The following TENM4 variants were observed in gnomAD, a reference collection of about 807,000 sequenced individuals.
TENM4 encodes teneurin transmembrane protein 4, also known as teneurin-4.
In TENM4, 82 loss-of-function variants were observed where a neutral mutation model predicts 243.3. The observed-to-expected ratio is 0.34, with a 90% CI of 0.28 to 0.40. TENM4 has a LOEUF of 0.40. Among genes scored for constraint, TENM4 ranks in the 10% least tolerant of loss-of-function variants. The pLI is 1.00. For synonymous variants in TENM4, 1,412 were observed against 1,456.3 expected, an observed-to-expected ratio of 0.97 and a Z score of 0.69; for missense variants, 3,138 against 3,673.3, an observed-to-expected ratio of 0.85 and a Z score of 3.77.
chr11:78,845,273 C>G (rs1165769743), intron 12 of TENM4, among the ~76,000 whole-genome samples: 5 of 152,222 alleles, frequency 3.3e-5, no homozygotes, highest in Non-Finnish European at 2.9e-5. Flanking sequence ...GAATACTTGA[C>G]ACATTTAGAA....
At chr11:79,210,041 C>T (rs1199333597) in intron 3 of TENM4, among the ~76,000 whole-genome samples, 1 of 152,204 alleles carries the variant, frequency 6.6e-6, no homozygotes, top group Admixed American at 6.5e-5. Flanking sequence ...CCTTACTTAA[C>T]AGACATAATT....
rs114518824 is a variant in TENM4 at position 78,822,987 on chromosome 11, C to T, written c.1682-8592G>A. On this transcript the variant is annotated intron_variant, in intron 12 of 33. Coordinates refer to ENST00000278550, the MANE Select transcript of TENM4 (RefSeq NM_001098816.3). ...CCTTGATGGGAGCCTCAAGCGGCCC[C>T]GAGGTTAGCCTCCTTCCTGGCTGTT... is the stretch of plus-strand genomic sequence containing the variant. 7.9e-5 allele frequency among the ~76,000 whole-genome samples: 12 copies of T among 152,290 alleles called. No homozygotes were observed. The East Asian group carries it at 2.3e-3, about 29-fold the overall frequency.
chr11:78,855,899 A>G lies in TENM4; in HGVS notation c.1470+65T>C. 5.4e-6 allele frequency: 8 copies of G among 1,481,278 alleles called. No homozygotes were observed. The South Asian group carries it at 8.7e-5, about 16-fold the overall frequency. The allele number at this position is 1,481,278 out of a possible 1,614,324, so 91.8% of individuals were successfully genotyped here. ...TTAAGGCTCTGGATTGGGCTTCTTA[A>G]CTTTGGGTTAAGATTTGAGGTAGGA... On this transcript the variant is annotated intron_variant, in intron 11 of 33. Transcript: ENST00000278550.
At chr11:78,687,522 A>G (rs1858715896) in intron 29 of TENM4, among the ~76,000 whole-genome samples, 1 of 152,166 alleles carries the variant, frequency 6.6e-6, no homozygotes, top group African/African-American at 2.4e-5. Flanking sequence ...CAGATAATTA[A>G]CAGCAAGATT....
intron 1 of TENM4, among the ~76,000 whole-genome samples, chr11:79,304,680 C>A (rs1421902238): frequency 6.6e-6 from 1 of 152,186 alleles, no homozygotes; most frequent in Non-Finnish European, 1.5e-5. Flanking sequence ...TCAGCCTCAA[C>A]AACCTACCAA....
At chr11:79,096,487 C>T (rs1861078388) in intron 4 of TENM4, 1 of 143,790 alleles carries the variant, frequency 7.0e-6, no homozygotes, top group African/African-American at 2.6e-5. Flanking sequence ...AGAAAGCCTC[C>T]CCCACCCCAC....
At chr11:79,208,149 G>C (rs953953944) in intron 3 of TENM4, among the ~76,000 whole-genome samples, 1 of 152,058 alleles carries the variant, frequency 6.6e-6, no homozygotes, top group Non-Finnish European at 1.5e-5. Context: ...ACGGGTCATC[G>C]GCATCTCAAT....
At chr11:79,166,329 A>G (rs981654565) in intron 3 of TENM4, among the ~76,000 whole-genome samples, 4 of 152,200 alleles carry the variant, frequency 2.6e-5, no homozygotes, top group African/African-American at 9.7e-5. Context: ...AAGGGCATAG[A>G]GCATGTTCTC....
intron 1 of TENM4, among the ~76,000 whole-genome samples, chr11:79,366,398 T>C (rs1483911331): frequency 6.6e-6 from 1 of 152,240 alleles, no homozygotes; most frequent in Non-Finnish European, 1.5e-5. Context: ...GTGTGTTCCT[T>C]ATGCAACTGC....
intron 12 of TENM4, among the ~76,000 whole-genome samples, chr11:78,845,788 C>T (rs985570571): frequency 3.9e-5 from 6 of 151,912 alleles, no homozygotes; most frequent in Non-Finnish European, 7.4e-5. Flanking sequence ...AAAAAAAGAG[C>T]TAAAAGAAAA....
At chr11:78,778,260 G>C (rs571527900) in intron 17 of TENM4, among the ~76,000 whole-genome samples, 1 of 142,926 alleles carries the variant, frequency 7.0e-6, no homozygotes, top group Admixed American at 7.2e-5. Flanking sequence ...GTGGACCAGG[G>C]GCCATAACAG....
chr11:79,075,454 G>A (rs1381384454), intron 4 of TENM4, among the ~76,000 whole-genome samples: 1 of 152,196 alleles, frequency 6.6e-6, no homozygotes, highest in African/African-American at 2.4e-5. Context: ...TAGATGTTTT[G>A]TAAACTGTAA....
At chr11:78,724,749 G>A (rs1291607152) in intron 23 of TENM4, among the ~76,000 whole-genome samples, 1 of 152,252 alleles carries the variant, frequency 6.6e-6, no homozygotes, top group Non-Finnish European at 1.5e-5. Flanking sequence ...CCACGACTAA[G>A]TTCTTGCAAT....
intron 4 of TENM4, among the ~76,000 whole-genome samples, chr11:79,077,606 G>A (rs1273982656): frequency 6.6e-6 from 1 of 152,136 alleles, no homozygotes; most frequent in Non-Finnish European, 1.5e-5. Flanking sequence ...TTATGAATGA[G>A]ATGCCAATCT....
chr11:78,659,165 T>C (rs1036763285), intron 33 of TENM4, among the ~76,000 whole-genome samples: 5 of 152,166 alleles, frequency 3.3e-5, no homozygotes, highest in Non-Finnish European at 5.9e-5. Context: ...ACAACAATAA[T>C]TGCAATCAAA....
intron 3 of TENM4, among the ~76,000 whole-genome samples, chr11:79,197,922 C>T (rs1391026892): frequency 2.0e-5 from 3 of 152,056 alleles, no homozygotes; most frequent in African/African-American, 2.4e-5. Context: ...ACCTGCAGGC[C>T]GTGCAGGCCA....
At chr11:78,722,642 T>G in intron 24 of TENM4, 26 bp downstream of exon 24, 1 of 1,602,688 alleles carries the variant, frequency 6.2e-7, no homozygotes, top group Non-Finnish European at 8.5e-7. Context: ...TATTAGGAAC[T>G]ATGAAGAAAG....
intron 28 of TENM4, among the ~76,000 whole-genome samples, chr11:78,689,684 C>G (rs760699885): frequency 6.6e-6 from 1 of 152,130 alleles, no homozygotes; most frequent in Non-Finnish European, 1.5e-5. Context: ...TTAGGCAGGT[C>G]TTTGCTCAGG....
chr11:79,098,899 C>A (rs917575386), intron 4 of TENM4, among the ~76,000 whole-genome samples: 1 of 152,230 alleles, frequency 6.6e-6, no homozygotes, highest in Non-Finnish European at 1.5e-5. Flanking sequence ...AATGAGTCAA[C>A]TTCTCTGACC....
Sources: gnomAD v4.1 joint callset for allele counts (sites outside exome capture counted in the v4.1 genomes callset) on GRCh38, gnomAD v4.1.1 for gene constraint, MANE v1.5 for transcripts, NCBI Gene and HGNC (gene_info 2026-07-23, HGNC 2026-07-21) for gene names.